The following GBE1 variants were observed in gnomAD, a reference collection of about 807,000 sequenced individuals.
The protein encoded by GBE1 is 1,4-alpha-glucan branching enzyme 1.
GBE1 carries 70 observed loss-of-function variants against 88.8 expected under a neutral mutation model. The observed-to-expected ratio is 0.79, with a 90% CI of 0.65 to 0.96. The LOEUF is 0.96. Ranked by LOEUF, GBE1 falls within the 40% of genes least tolerant of loss-of-function variation. The pLI, the probability that GBE1 is intolerant of heterozygous loss-of-function variation, is 0.00. For synonymous variants in GBE1, 284 were observed against 300.1 expected (o/e 0.95, Z 0.56); for missense variants, 872 against 871.0 (o/e 1.00, Z -0.01).
intron 12 of GBE1, among the ~76,000 whole-genome samples, chr3:81,558,462 A>T (rs1436602375): frequency 3.9e-5 from 6 of 151,992 alleles, no homozygotes; most frequent in Admixed American, 2.6e-4. Context: ...GTTATAAAAT[A>T]TTTTTTGCTA....
At chr3:81,523,697 T>C (rs1004684501) in intron 14 of GBE1, among the ~76,000 whole-genome samples, 1 of 151,690 alleles carries the variant, frequency 6.6e-6, no homozygotes, top group Non-Finnish European at 1.5e-5. Flanking sequence ...CTTATCTCCA[T>C]GAGATCAACT....
intron 3 of GBE1, among the ~76,000 whole-genome samples, chr3:81,662,887 C>CA (rs1469641728): frequency 6.6e-6 from 1 of 152,126 alleles, no homozygotes; most frequent in Non-Finnish European, 1.5e-5. Context: ...AGCTAGATTT[C>CA]AACATGGTTA....
At chr3:81,509,340 T>C (rs909892661) in intron 14 of GBE1, 26 of 150,970 alleles carry the variant, frequency 1.7e-4, no homozygotes, top group African/African-American at 6.3e-4. Context: ...CTCAAGTTTA[T>C]GAGAAATACT....
In GBE1 at chr3:81,649,825, T is replaced by A. The variant is rs554273784; in HGVS notation, c.526A>T (p.Ile176Leu). The change falls in exon 4 of 16, where the codon ATA becomes TTA. Residue 176 changes from isoleucine to leucine, a missense_variant. By Grantham distance (5) the Ile-to-Leu change is conservative (BLOSUM62 2). Transcript: ENST00000429644. The part of the protein sequence containing the change: ...REGDNVNYDW[I>L]HWDPEHSYEF... ...TATGAGTGTTCTGGATCCCAGTGTA[T>A]CCAATCATAATTCACATTATCACCT... 9.9e-6 allele frequency: 16 copies of A among 1,611,272 alleles called. No individual in the cohort carries two copies. The South Asian group carries it at 1.8e-4, about 18-fold the overall frequency.
chr3:81,547,655 CTCTCTCTCTCTCTT>C lies in GBE1; in HGVS notation c.1619-10574_1619-10561del, dbSNP rs1418667629. Reference sequence around the variant, plus strand: ...TCTCTCTCTCTCTCTCTCTCTCTCTCTCTCTCTCTCTCTTTCTCCCTCTGGGCAAACTGGTTGAA... The same window carrying C: ...TCTCTCTCTCTCTCTCTCTCTCTCTCTCTCCCTCTGGGCAAACTGGTTGAA... On this transcript the variant is annotated intron_variant, in intron 12 of 15. Coordinates refer to ENST00000429644, the MANE Select transcript of GBE1 (RefSeq NM_000158.4). 3.4e-5 allele frequency among the ~76,000 whole-genome samples: 5 copies of C among 148,702 alleles called. 1 individual carries two copies. The highest frequency in any genetic ancestry group is 7.5e-5 in the Non-Finnish European group (5 of 66,794).
intron 7 of GBE1, chr3:81,613,009 A>G: frequency 3.8e-6 from 2 of 524,200 alleles, no homozygotes; most frequent in Non-Finnish European, 6.1e-6. Flanking sequence ...GTAGGGGATA[A>G]GGATGAAGGT....
rs997402564 is a variant in GBE1, at chr3:81,579,801, T to G, written c.1446+1364A>C. Reference sequence around the variant, plus strand: ...GTTGATAAGAAAGCACAGCCCCAATTTGGAAGATGCAAAATTTAACATGAG... The same window carrying G: ...GTTGATAAGAAAGCACAGCCCCAATGTGGAAGATGCAAAATTTAACATGAG... On this transcript the variant is annotated intron_variant, in intron 11 of 15. Coordinates refer to ENST00000429644, the MANE Select transcript of GBE1 (RefSeq NM_000158.4). Among the ~76,000 whole-genome samples, 21 of 152,094 alleles carry G rather than the reference T, an allele frequency of 1.4e-4. 1 individual carries two copies. The highest frequency in any genetic ancestry group is 2.0e-4 in the Admixed American group (3 of 15,238).
chr3:81,501,467 G>C (rs1702584871), intron 14 of GBE1, among the ~76,000 whole-genome samples: 3 of 152,160 alleles, frequency 2.0e-5, no homozygotes, highest in Admixed American at 2.0e-4. Flanking sequence ...AACAGCTTCA[G>C]CTCAAAATAA....
chr3:81,544,743 CCTT>C (rs776620434), intron 12 of GBE1, among the ~76,000 whole-genome samples: 3 of 152,138 alleles, frequency 2.0e-5, no homozygotes, highest in East Asian at 3.9e-4. Flanking sequence ...AATTGGGACT[CCTT>C]CTCCTGTAAT....
At chr3:81,535,749 T>C (rs946151695) in intron 13 of GBE1, among the ~76,000 whole-genome samples, 1 of 152,120 alleles carries the variant, frequency 6.6e-6, no homozygotes, top group Non-Finnish European at 1.5e-5. Flanking sequence ...ATTTTTATTT[T>C]AATGTAGTTT....
In GBE1 at chr3:81,503,389, T is replaced by A. The variant is rs1424288853; in HGVS notation, c.1935-4162A>T. On this transcript the variant is annotated intron_variant, in intron 14 of 15. Transcript: ENST00000429644. ...CTTAAGACTTATTTTATTAGTTAAG[T>A]GTGATAGTGTTTAAAATTCTTGAGA... 2.0e-5 allele frequency among the ~76,000 whole-genome samples: 3 copies of A among 152,138 alleles called. No individual in the cohort carries two copies. The East Asian group carries it at 5.8e-4, about 29-fold the overall frequency.
intron 8 of GBE1, among the ~76,000 whole-genome samples, chr3:81,592,920 A>G (rs959181874): frequency 1.3e-5 from 2 of 152,226 alleles, no homozygotes; most frequent in African/African-American, 4.8e-5. Flanking sequence ...AGTGGGCAGC[A>G]TCATGAGTAA....
At chr3:81,620,276 G>A (rs879288565) in intron 7 of GBE1, among the ~76,000 whole-genome samples, 13 of 151,198 alleles carry the variant, frequency 8.6e-5, no homozygotes, top group African/African-American at 1.2e-4. Context: ...TCCACCTCCC[G>A]GGTTCAAGTG....
chr3:81,630,987 G>C (rs1704499894), intron 7 of GBE1, among the ~76,000 whole-genome samples: 1 of 152,114 alleles, frequency 6.6e-6, no homozygotes, highest in Non-Finnish European at 1.5e-5. Flanking sequence ...AGGATCACTT[G>C]AGCTCTGGAG....
At chr3:81,651,714 T>C (rs909423516) in intron 3 of GBE1, among the ~76,000 whole-genome samples, 1 of 152,232 alleles carries the variant, frequency 6.6e-6, no homozygotes, top group African/African-American at 2.4e-5. Flanking sequence ...ACTACCACTT[T>C]GGCTAATCTA....
In GBE1 at chr3:81,536,002, C is replaced by T. The variant is rs542098523; in HGVS notation, c.1804-677G>A. 9.2e-5 allele frequency among the ~76,000 whole-genome samples: 14 copies of T among 152,086 alleles called. No individual in the cohort carries two copies. In the South Asian group the frequency reaches 2.7e-3, roughly 29 times the overall value. On this transcript the variant is annotated intron_variant, in intron 13 of 15. Transcript: ENST00000429644. ...AGCTTTGAGAGGACTTATTGCCATG[C>T]ATACCCGCAGCACCACTCTTGGTAA...
intron 12 of GBE1, among the ~76,000 whole-genome samples, chr3:81,551,613 A>G (rs1235679236): frequency 1.3e-5 from 2 of 152,106 alleles, no homozygotes; most frequent in Non-Finnish European, 2.9e-5. Flanking sequence ...CAGTTGTCCC[A>G]CCTGTCCTTC....
At chr3:81,590,676 C>T (rs1449200611) in intron 9 of GBE1, among the ~76,000 whole-genome samples, 1 of 151,594 alleles carries the variant, frequency 6.6e-6, no homozygotes, top group African/African-American at 2.4e-5. Flanking sequence ...AATGATTGAG[C>T]CAAAAAAGAA....
intron 8 of GBE1, 44 bp downstream of exon 8, chr3:81,593,864 G>C: frequency 1.1e-6 from 1 of 923,642 alleles, no homozygotes. Flanking sequence ...GGCTATTGCA[G>C]CTTCTGCAAT....
Sources: allele counts gnomAD v4.1 joint callset (sites outside exome capture counted in the v4.1 genomes callset), GRCh38; gene constraint gnomAD v4.1.1; transcripts MANE v1.5; gene names NCBI Gene and HGNC (gene_info 2026-07-23, HGNC 2026-07-21).